Variants in LYG2 observed in about 807,000 individuals in gnomAD.
LYG2 encodes the protein lysozyme g2, also known as lysozyme g-like protein 2.
In LYG2, 25 loss-of-function variants were observed where a neutral mutation model predicts 22.4. The ratio of observed to expected loss-of-function variants is 1.12; its 90% CI spans 0.81 to 1.56. The LOEUF (loss-of-function observed/expected upper bound fraction) is 1.56, where lower values mean the gene tolerates loss of function less well. Among genes scored for constraint, LYG2 ranks in the 40% most tolerant of loss-of-function variants. LYG2 has a pLI of 0.00. For missense variants in LYG2, 266 were observed against 269.5 expected (o/e 0.99, Z 0.09); for synonymous variants, 88 against 97.0 (o/e 0.91, Z 0.55).
chr2:99,246,516 A>G (rs774855160), intron 4 of LYG2, among the ~76,000 whole-genome samples, 164 bp downstream of exon 4: 4 of 152,220 alleles, frequency 2.6e-5, no homozygotes, highest in Non-Finnish European at 2.9e-5. Context: ...AATGAAAAGA[A>G]GCTGGTTGTT....
At chr2:99,258,811 A>T (rs1385150335), upstream of LYG2, among the ~76,000 whole-genome samples, 1 of 152,210 alleles carries the variant, frequency 6.6e-6, no homozygotes, top group East Asian at 1.9e-4. Flanking sequence ...GTTTTAATCT[A>T]CTATATGATA....
chr2:99,256,606 A>C (rs1027830447), upstream of LYG2, among the ~76,000 whole-genome samples: 8 of 152,234 alleles, frequency 5.3e-5, no homozygotes, highest in Admixed American at 2.0e-4. Context: ...GTTAGGTAAA[A>C]GAGAGTAGGT....
upstream of LYG2, among the ~76,000 whole-genome samples, chr2:99,259,448 C>T (rs887600837): frequency 1.3e-5 from 2 of 151,844 alleles, no homozygotes; most frequent in African/African-American, 4.8e-5. Context: ...TCCAATGAAC[C>T]TGGGCTGGGT....
intron 3 of LYG2, among the ~76,000 whole-genome samples, chr2:99,253,765 C>G (rs964429822): frequency 1.2e-4 from 19 of 152,168 alleles, no homozygotes; most frequent in Admixed American, 5.2e-4. Context: ...CATGTCCCCC[C>G]CAAAAGCCTT....
intron 5 of LYG2, 131 bp from the exon 6 acceptor site, chr2:99,244,268 C>T: frequency 1.1e-6 from 1 of 877,702 alleles, no homozygotes; most frequent in Non-Finnish European, 1.7e-6. Context: ...TTCTATTGTT[C>T]TTTCTTTCAT....
intron 3 of LYG2, among the ~76,000 whole-genome samples, chr2:99,251,403 T>C (rs1051118142): frequency 1.3e-5 from 2 of 152,228 alleles, no homozygotes; most frequent in African/African-American, 4.8e-5. Context: ...AAATTATATT[T>C]ACTGTCTCAT....
At chr2:99,261,275 A>G in the LYG2 span, among the ~76,000 whole-genome samples, 72 of 152,282 alleles carry the variant, frequency 4.7e-4, 1 homozygote, top group African/African-American at 1.5e-3. Flanking sequence ...GTAAGGGGCT[A>G]TCATGGGGCC....
chr2:99,247,702 T>C (rs1430030451), intron 3 of LYG2, among the ~76,000 whole-genome samples: 1 of 152,146 alleles, frequency 6.6e-6, no homozygotes, highest in Non-Finnish European at 1.5e-5. Context: ...GATTAACAAT[T>C]TGCCTTTCTT....
chr2:99,253,048 C>CA (rs35859472), intron 3 of LYG2, among the ~76,000 whole-genome samples: 31,066 of 66,696 alleles, frequency 0.47, 6,386 homozygotes, highest in East Asian at 0.67. Context: ...GACTCTGTCT[C>CA]AAAAAAAAAA....
rs762128298 is a variant in LYG2 at position 99,254,281 on chromosome 2, A to G, written c.-21T>C. On this transcript the variant is annotated 5_prime_UTR_variant, in exon 3 of 7. Transcript: ENST00000333017. ...AACATGGCGGGGAATCTTATCTTCCAGGACCTGCTCTGATTTGAAATAGAA... is the reference window on the plus strand; with the variant it reads ...AACATGGCGGGGAATCTTATCTTCCGGGACCTGCTCTGATTTGAAATAGAA... 2 of 1,613,130 alleles carry G rather than the reference A, an allele frequency of 1.2e-6. No individual in the cohort carries two copies. The highest frequency in any genetic ancestry group is 1.1e-5 in the South Asian group (1 of 91,030).
chr2:99,251,817 A>T (rs551381856), intron 3 of LYG2, among the ~76,000 whole-genome samples: 1 of 151,832 alleles, frequency 6.6e-6, no homozygotes, highest in Non-Finnish European at 1.5e-5. Flanking sequence ...GCTGGTCCTT[A>T]TATGTTAGAG....
At chr2:99,255,303 C>G (rs1263178072) in intron 1 of LYG2, 166 bp from the exon 2 acceptor site, 2 of 152,116 alleles carry the variant, frequency 1.3e-5, no homozygotes, top group Admixed American at 6.5e-5. Flanking sequence ...ATTAGAGGAG[C>G]TTTATATATG....
At chr2:99,260,865 G>A in the LYG2 span, among the ~76,000 whole-genome samples, 1 of 152,200 alleles carries the variant, frequency 6.6e-6, no homozygotes, top group Non-Finnish European at 1.5e-5. Context: ...GGAGAAAACT[G>A]AGGGAGTTAT....
Position 99,242,443 on chromosome 2 carries a change from G to T in LYG2, c.560C>A (p.Ala187Asp), listed in dbSNP as rs1364208988. ...GTCATTGTCTATGTCCGATGGGGTG[G>T]CAATCGCTTCAATTCCTGACTTAAA... ...SAFKSGIEAI[A>D]TPSDIDNDFV... The change falls in exon 7 of 7, where the codon GCC becomes GAC. Residue 187 changes from alanine (A) to aspartate (D), a missense_variant. Coordinates refer to ENST00000333017, the MANE Select transcript of LYG2 (RefSeq NM_175735.4). 1 of 1,612,618 alleles carries T rather than the reference G, an allele frequency of 6.2e-7. No individual in the cohort carries two copies. The highest frequency in any genetic ancestry group is 8.5e-7 in the Non-Finnish European group (1 of 1,179,216).
At position 99,255,456 on chromosome 2, in the gene LYG2, G is replaced by A. The variant is rs2094034500; in HGVS notation, c.-144+147C>T. Among the ~76,000 whole-genome samples, 4 of 152,280 alleles carry A rather than the reference G, an allele frequency of 2.6e-5. No homozygotes were observed. The South Asian group carries it at 8.3e-4, about 32-fold the overall frequency. ...AATTAACCTAATGAACCCCCAAGTT[G>A]CTCAGGAGGCATATTTTGATAGATT... On this transcript the variant is annotated intron_variant, in intron 1 of 6. Coordinates refer to ENST00000333017, the MANE Select transcript of LYG2 (RefSeq NM_175735.4).
chr2:99,254,385 A>G (rs376791657), intron 2 of LYG2, 100 bp from the exon 3 acceptor site: 3 of 830,988 alleles, frequency 3.6e-6, no homozygotes, highest in Non-Finnish European at 5.8e-6. Flanking sequence ...GTTATTTCCA[A>G]TTCACTACTC....
upstream of LYG2, among the ~76,000 whole-genome samples, chr2:99,257,965 A>T (rs1315512432): frequency 3.9e-5 from 6 of 152,164 alleles, no homozygotes; most frequent in African/African-American, 1.4e-4. Context: ...AATTCATACC[A>T]CACAAAGACC....
chr2:99,253,647 C>G (rs546334884), intron 3 of LYG2, among the ~76,000 whole-genome samples: 2 of 152,204 alleles, frequency 1.3e-5, no homozygotes, highest in East Asian at 3.9e-4. Context: ...CCACACTGAC[C>G]CAAAGACTTT....
intron 3 of LYG2, among the ~76,000 whole-genome samples, chr2:99,249,460 G>T (rs1421308025): frequency 6.7e-6 from 1 of 150,040 alleles, no homozygotes; most frequent in Non-Finnish European, 1.5e-5. Context: ...TAAAATGTTT[G>T]ATGTAAAAAA....
Sources: allele counts gnomAD v4.1 joint callset (sites outside exome capture counted in the v4.1 genomes callset), GRCh38; gene constraint gnomAD v4.1.1; transcripts MANE v1.5; gene names NCBI Gene and HGNC (gene_info 2026-07-23, HGNC 2026-07-21).